The following TBC1D17 variants were observed in gnomAD, a reference collection of about 807,000 sequenced individuals.
TBC1D17 encodes TBC1 domain family, member 17.
In TBC1D17, 69 loss-of-function variants were observed where a neutral mutation model predicts 78.8. That is an observed-to-expected ratio of 0.88 (90% confidence interval 0.72 to 1.07). TBC1D17 has a LOEUF of 1.07. TBC1D17 is among the 50% of genes least tolerant of loss of function. The probability of loss-of-function intolerance (pLI) is 0.00; values close to 1 mark genes in which losing one functional copy is unlikely to be tolerated. For synonymous variants in TBC1D17, 456 were observed against 358.3 expected, an observed-to-expected ratio of 1.27 and a Z score of -3.08; for missense variants, 957 against 861.0, an observed-to-expected ratio of 1.11 and a Z score of -1.39.
In TBC1D17 at chr19:49,883,123, C is replaced by T. The variant is rs760810983; in HGVS notation, c.1031+47C>T. The stretch of plus-strand genomic sequence containing the variant: ...CCCTGCCAGGCATGACACCTGGTAC[C>T]TCCTAGGGCACCAATGGGCAAGTTC... On this transcript the variant is annotated intron_variant, in intron 9 of 16. Coordinates refer to ENST00000221543, the MANE Select transcript of TBC1D17 (RefSeq NM_024682.3). 2.6e-6 allele frequency: 4 copies of T among 1,537,716 alleles called. No homozygotes were observed. The South Asian group carries it at 4.7e-5, about 18-fold the overall frequency.
At chr19:49,878,614 C>T in intron 3 of TBC1D17, 42 bp downstream of exon 3, 2 of 1,587,954 alleles carry the variant, frequency 1.3e-6, no homozygotes, top group Non-Finnish European at 1.7e-6. Context: ...CGCTTTTTTT[C>T]TAGGTCCGTG....
At position 49,882,410 on chromosome 19, in the gene TBC1D17, G is replaced by T; in HGVS notation, c.798+10G>T. On this transcript the variant is annotated intron_variant, in intron 7 of 16. Transcript: ENST00000221543. ...CGAGGTCATTTCCTGTGTGAGTAGT[G>T]AGTGGACCCTCCCTGTTATTTCTGG... 1 of 1,595,202 alleles carries T rather than the reference G, an allele frequency of 6.3e-7. No homozygotes were observed. Among genetic ancestry groups the T allele is most frequent in the Non-Finnish European group, 8.5e-7 (1 of 1,172,882 alleles).
intron 7 of TBC1D17, 142 bp downstream of exon 7, chr19:49,882,542 T>C: frequency 7.2e-7 from 1 of 1,384,048 alleles, no homozygotes. Context: ...AGGAAAGCGC[T>C]CATGGCTCTG....
In TBC1D17 at chr19:49,882,373, C is replaced by T. The variant is rs759345871; in HGVS notation, c.771C>T (p.Pro257=). ...TTCCCCCGCCACCCGACGATGAGCC[C>T]GAGCCTGGATTCGAGGTCATTTCCT... ...SDLPPPPDDE[P]EPGFEVISCV... The change falls in exon 7 of 17, where the codon CCC becomes CCT. Residue 257 remains proline (P), a synonymous_variant. Coordinates refer to ENST00000221543, the MANE Select transcript of TBC1D17 (RefSeq NM_024682.3). 35 of 1,608,224 alleles carry T rather than the reference C, an allele frequency of 2.2e-5. No homozygotes were observed. The highest frequency in any genetic ancestry group is 1.8e-4 in the South Asian group (16 of 91,068).
chr19:49,878,246 G>T lies in TBC1D17; in HGVS notation c.120+5G>T. 7 of 1,555,952 alleles carry T rather than the reference G, an allele frequency of 4.5e-6. No homozygotes were observed. The highest frequency in any genetic ancestry group is 6.1e-6 in the Non-Finnish European group (7 of 1,149,510). Reference sequence around the variant, plus strand: ...GTCATCCGTGTCGTGGAAAAGGTGCGCTGGGAGGGAGCAGGGCTCGGACCC... The same window carrying T: ...GTCATCCGTGTCGTGGAAAAGGTGCTCTGGGAGGGAGCAGGGCTCGGACCC... On this transcript the variant is annotated splice_donor_5th_base_variant and intron_variant, in intron 2 of 16. Coordinates refer to ENST00000221543, the MANE Select transcript of TBC1D17 (RefSeq NM_024682.3).
Position 49,884,326 on chromosome 19 carries a change from G to A in TBC1D17, c.1200G>A (p.Leu400=), listed in dbSNP as rs2075040795. 2 of 1,613,988 alleles carry A rather than the reference G, an allele frequency of 1.2e-6. No individual in the cohort carries two copies. The highest frequency in any genetic ancestry group is 1.7e-6 in the Non-Finnish European group (2 of 1,180,042). ...CCGAGAACCCGGGGCTGGGCCTGCT[G>A]AACGATATCCTCCTCACCTACTGCA... ...EGPENPGLGL[L]NDILLTYCMY... is the part of the protein sequence containing the mutation. The change falls in exon 11 of 17, where the codon CTG becomes CTA. Residue 400 remains leucine (L), a synonymous_variant. Coordinates refer to ENST00000221543, the MANE Select transcript of TBC1D17 (RefSeq NM_024682.3).
rs1280108171 is a variant in TBC1D17, at chr19:49,881,321, G to C, written c.373G>C (p.Glu125Gln). 6.2e-7 allele frequency: 1 copy of C among 1,613,198 alleles called. No homozygotes were observed. Among genetic ancestry groups the C allele is most frequent in the Non-Finnish European group, 8.5e-7 (1 of 1,179,990 alleles). Residue 125 changes from glutamate (E) to glutamine (Q), a missense_variant, in exon 5 of 17, where the codon GAG (glutamate) becomes CAG (glutamine). By Grantham distance (29) the Glu-to-Gln change is conservative (BLOSUM62 2). Transcript: ENST00000221543. ...CTGGGCCTTCTCAGTGAGTCTGGGGGAGCTAAAGTCCATCCGCCGCTCCAA... is the reference window on the plus strand; with the variant it reads ...CTGGGCCTTCTCAGTGAGTCTGGGGCAGCTAAAGTCCATCCGCCGCTCCAA... Reference protein sequence around the residue: ...GSWAFSVSLGELKSIRRSKPG... With the variant: ...GSWAFSVSLGQLKSIRRSKPG...
Position 49,882,798 on chromosome 19 carries a change from G to A in TBC1D17, c.833G>A (p.Gly278Asp). The change falls in exon 8 of 17, where the codon GGC (glycine) becomes GAC (aspartate). Residue 278 changes from glycine (G) to aspartate (D), a missense_variant. Transcript: ENST00000221543. ...ELGPRPTVER[G>D]PPVTEEEWAR... ...GGGCCTCGGCCAACCGTGGAGCGGG[G>A]CCCTCCAGTTACAGAGGAGGAGTGG... 6.2e-7 allele frequency: 1 copy of A among 1,604,092 alleles called. No individual in the cohort carries two copies. Among genetic ancestry groups the A allele is most frequent in the Admixed American group, 1.7e-5 (1 of 58,406 alleles).
At chr19:49,879,628 C>G (rs2074993010) in intron 3 of TBC1D17, 2 of 142,100 alleles carry the variant, frequency 1.4e-5, no homozygotes, top group Admixed American at 7.2e-5. Flanking sequence ...TTTTGACAGT[C>G]TCACTGTCTC....
chr19:49,887,466 C>A lies in TBC1D17; in HGVS notation c.1445-10C>A. On this transcript the variant is annotated splice_polypyrimidine_tract_variant and intron_variant, in intron 13 of 16. Transcript: ENST00000221543. ...GGGCAAGGCTGAGTGGGCTCCATGT[C>A]ATCCCCCAGATTCCCAGGACTCCGG... 2 of 1,613,234 alleles carry A rather than the reference C, an allele frequency of 1.2e-6. No homozygotes were observed. The highest frequency in any genetic ancestry group is 2.2e-5 in the South Asian group (2 of 90,792).
intron 3 of TBC1D17, among the ~76,000 whole-genome samples, chr19:49,879,798 G>A (rs1428041886): frequency 1.3e-5 from 2 of 150,924 alleles, no homozygotes; most frequent in Non-Finnish European, 3.0e-5. Context: ...GTCCTGGCTC[G>A]CTCTCTGGCT....
At chr19:49,881,499 C>A (rs1179251336) in intron 5 of TBC1D17, 24 bp downstream of exon 5, 1 of 1,599,522 alleles carries the variant, frequency 6.3e-7, no homozygotes, top group South Asian at 1.1e-5. Flanking sequence ...CAGTGCTGGG[C>A]CTTAAACCGG....
intron 7 of TBC1D17, 76 bp downstream of exon 7, chr19:49,882,476 C>T: frequency 2.6e-6 from 4 of 1,545,492 alleles, no homozygotes; most frequent in Non-Finnish European, 2.6e-6. Context: ...CCCTGGGCCT[C>T]AGTTTCCTCT....
At chr19:49,882,526 T>A in intron 7 of TBC1D17, 126 bp downstream of exon 7, 1 of 1,425,728 alleles carries the variant, frequency 7.0e-7, no homozygotes, top group Non-Finnish European at 9.3e-7. Flanking sequence ...CCTCAGGGGG[T>A]GCATGAGGAA....
intron 13 of TBC1D17, chr19:49,886,784 C>T (rs1407262951): frequency 3.3e-5 from 5 of 152,434 alleles, no homozygotes; most frequent in Admixed American, 3.3e-4. Flanking sequence ...AAAAAAGGTT[C>T]AACACCAGCT....
intron 13 of TBC1D17, chr19:49,887,201 G>T (rs911421516): frequency 2.2e-6 from 1 of 460,016 alleles, no homozygotes; most frequent in Non-Finnish European, 4.0e-6. Context: ...CACCAGCAGC[G>T]GGCAGAGGTC....
Position 49,887,768 on chromosome 19 carries a change from C to T in TBC1D17, c.1593C>T (p.Cys531=), listed in dbSNP as rs1345284514. 1.9e-6 allele frequency: 3 copies of T among 1,613,180 alleles called. No individual in the cohort carries two copies. The highest frequency in any genetic ancestry group is 2.2e-5 in the South Asian group (2 of 90,862). The change falls in exon 15 of 17, where the codon TGC becomes TGT. Residue 531 remains cysteine, a synonymous_variant. Transcript: ENST00000221543. ...PGPNLHLLVA[C]AILDMERDTL... ...CCAATCTGCACCTGCTGGTGGCCTG[C>T]GCCATCCTGGACATGGAGAGGGACA...
rs899321303 is a variant in TBC1D17, at chr19:49,880,397, C to G, written c.314C>G (p.Thr105Arg). The G allele has an allele frequency of 6.2e-7, 1 of 1,613,510 alleles. No individual in the cohort carries two copies. The highest frequency in any genetic ancestry group is 8.5e-7 in the Non-Finnish European group (1 of 1,179,720). ...VRPQLCHSEP[T>R]RGAEPSCPQG... The stretch of plus-strand genomic sequence containing the variant: ...CCACAGCTCTGCCACTCAGAGCCCA[C>G]GAGAGGTAGGCTGAGGTGGCGGCCC... Residue 105 changes from threonine to arginine, a missense_variant, in exon 4 of 17, where the codon ACG (threonine) becomes AGG (arginine). By Grantham distance (71) the Thr-to-Arg change is moderately conservative. Coordinates refer to ENST00000221543, the MANE Select transcript of TBC1D17 (RefSeq NM_024682.3).
At position 49,883,644 on chromosome 19, in the gene TBC1D17, C is replaced by T. The variant is rs780939296; in HGVS notation, c.1032-7C>T. 2 of 1,612,908 alleles carry T rather than the reference C, an allele frequency of 1.2e-6. No individual in the cohort carries two copies. The highest frequency in any genetic ancestry group is 2.2e-5 in the South Asian group (2 of 91,062). ...GGCCTCACATCTTGTTTCCCTCTGT[C>T]ACTCAGGGATGAGTATTTCCGCATG... is the stretch of plus-strand genomic sequence containing the variant. On this transcript the variant is annotated splice_region_variant and splice_polypyrimidine_tract_variant and intron_variant, in intron 9 of 16. Coordinates refer to ENST00000221543, the MANE Select transcript of TBC1D17 (RefSeq NM_024682.3).
Sources: gnomAD v4.1 joint callset for allele counts (sites outside exome capture counted in the v4.1 genomes callset) on GRCh38, gnomAD v4.1.1 for gene constraint, MANE v1.5 for transcripts, NCBI Gene and HGNC (gene_info 2026-07-23, HGNC 2026-07-21) for gene names.